RTCB: variants seen among roughly 807,000 people sequenced by gnomAD.
The protein encoded by RTCB is RNA-splicing ligase RTCB.
A neutral mutation model predicts 58.2 loss-of-function variants in RTCB; 32 were observed. That is an observed-to-expected ratio of 0.55 (90% CI 0.41 to 0.74). The LOEUF is 0.74. RTCB is among the 30% of genes least tolerant of loss of function. The probability of loss-of-function intolerance (pLI) is 0.00; values close to 1 mark genes in which losing one functional copy is unlikely to be tolerated. For missense variants in RTCB, 523 were observed against 639.0 expected (o/e 0.82, Z 1.96); for synonymous variants, 247 against 218.6 (o/e 1.13, Z -1.15).
intron 4 of RTCB, among the ~76,000 whole-genome samples, chr22:32,404,024 C>A (rs1933381185): frequency 6.6e-6 from 1 of 152,200 alleles, no homozygotes; most frequent in African/African-American, 2.4e-5. Context: ...CTTTTCCCTT[C>A]AATTTTAAAA....
intron 10 of RTCB, among the ~76,000 whole-genome samples, chr22:32,393,640 T>G (rs1219839218): frequency 6.6e-6 from 1 of 152,170 alleles, no homozygotes; most frequent in Non-Finnish European, 1.5e-5. Context: ...AATTTCCCAG[T>G]CTGGATTTTC....
chr22:32,403,368 G>A (rs966973336), intron 4 of RTCB, among the ~76,000 whole-genome samples: 3 of 151,652 alleles, frequency 2.0e-5, no homozygotes. Flanking sequence ...GATTGCACCA[G>A]TGCACTCCAG....
At chr22:32,405,272 A>G (rs370063148) in intron 4 of RTCB, among the ~76,000 whole-genome samples, 6 of 152,192 alleles carry the variant, frequency 3.9e-5, no homozygotes, top group African/African-American at 7.2e-5. Flanking sequence ...GTAAACATTG[A>G]TAAGAGTCTG....
intron 4 of RTCB, among the ~76,000 whole-genome samples, chr22:32,405,373 T>G (rs575280328): frequency 1.3e-5 from 2 of 152,202 alleles, no homozygotes; most frequent in Non-Finnish European, 2.9e-5. Context: ...CTTTGAAATT[T>G]GATGCCTGCT....
At position 32,395,086 on chromosome 22, in the gene RTCB, G is replaced by A. The variant is rs758674275; in HGVS notation, c.1119C>T (p.His373=). ...VDGKERTLLV[H]RKGSTRAFPP... ...GGAAAGCGCGGGTGGATCCCTTCCT[G>A]TGTACTAACAGTGTCCGTTCCTTTC... The change falls in exon 9 of 12, where the codon CAC becomes CAT. Residue 373 remains histidine, a synonymous_variant. Coordinates refer to ENST00000216038, the MANE Select transcript of RTCB (RefSeq NM_014306.5). 6.2e-7 allele frequency: 1 copy of A among 1,614,056 alleles called. No homozygotes were observed.
rs563410533 is a variant in RTCB, at chr22:32,400,417, T to A, written c.498-658A>T. 3.9e-5 allele frequency among the ~76,000 whole-genome samples: 6 copies of A among 152,350 alleles called. No individual in the cohort carries two copies. In the East Asian group the frequency reaches 9.6e-4, roughly 24 times the overall value. The stretch of plus-strand genomic sequence containing the variant: ...TGCCAGGAAAAACTACACTTTTCAA[T>A]GTTCTCTCCCCACTACCCCAGATGA... On this transcript the variant is annotated intron_variant, in intron 5 of 11. Coordinates refer to ENST00000216038, the MANE Select transcript of RTCB (RefSeq NM_014306.5).
intron 7 of RTCB, among the ~76,000 whole-genome samples, chr22:32,396,846 G>A (rs1933254251): frequency 6.6e-6 from 1 of 152,154 alleles, no homozygotes; most frequent in African/African-American, 2.4e-5. Flanking sequence ...GAAAGAATGA[G>A]GGTCGTGAAC....
intron 4 of RTCB, 150 bp downstream of exon 4, chr22:32,406,512 A>T (rs1394550670): frequency 2.1e-6 from 1 of 485,564 alleles, no homozygotes; most frequent in African/African-American, 2.0e-5. Flanking sequence ...TAATAGAGAC[A>T]CGGTTTCACC....
At chr22:32,408,274 AAC>A (rs1232760433) in intron 2 of RTCB, 32 bp from the exon 3 acceptor site, 1 of 1,559,492 alleles carries the variant, frequency 6.4e-7, no homozygotes, top group East Asian at 2.2e-5. Flanking sequence ...TAGAAAAGAC[AAC>A]ACACTTGATT....
intron 11 of RTCB, among the ~76,000 whole-genome samples, chr22:32,388,926 C>G (rs566238501): frequency 6.6e-6 from 1 of 152,300 alleles, no homozygotes; most frequent in South Asian, 2.1e-4. Flanking sequence ...TCTTGTTTTA[C>G]TGAAACACGG....
At chr22:32,410,635 G>A (rs1933503670) in intron 1 of RTCB, among the ~76,000 whole-genome samples, 1 of 152,122 alleles carries the variant, frequency 6.6e-6, no homozygotes, top group African/African-American at 2.4e-5. Flanking sequence ...GTGCATCAAA[G>A]GCTGAGTCAG....
In RTCB at chr22:32,412,144, A is replaced by G; in HGVS notation, c.13T>C (p.Tyr5His). The G allele has an allele frequency of 6.3e-7, 1 of 1,596,772 alleles. No individual in the cohort carries two copies. MSRS[Y>H]NDELQFLEKI... ...TCCAAGAACTGCAGCTCATCATTAT[A>G]GCTGCGACTCATGGTGGCGAAAACT... The change falls in exon 1 of 12, where the codon TAT (tyrosine) becomes CAT (histidine). Residue 5 changes from tyrosine to histidine, a missense_variant. Tyr to His is a moderately conservative substitution (Grantham distance 83, BLOSUM62 2). Coordinates refer to ENST00000216038, the MANE Select transcript of RTCB (RefSeq NM_014306.5).
At chr22:32,400,936 T>C (rs1414241163) in intron 5 of RTCB, among the ~76,000 whole-genome samples, 1 of 152,146 alleles carries the variant, frequency 6.6e-6, no homozygotes, top group African/African-American at 2.4e-5. Context: ...TAGCATTATA[T>C]TTAATCCTCT....
intron 9 of RTCB, among the ~76,000 whole-genome samples, chr22:32,394,744 A>G (rs1168500857): frequency 4.6e-5 from 7 of 152,250 alleles, no homozygotes; most frequent in African/African-American, 1.7e-4. Context: ...TGTCTTCTGT[A>G]ACTGAGTTAC....
chr22:32,408,106 G>A, intron 3 of RTCB, 69 bp downstream of exon 3: 1 of 1,355,594 alleles, frequency 7.4e-7, no homozygotes. Flanking sequence ...CCACTATCAG[G>A]CATGGCCATT....
chr22:32,395,476 C>T (rs1759024085), intron 8 of RTCB, among the ~76,000 whole-genome samples: 1 of 152,220 alleles, frequency 6.6e-6, no homozygotes, highest in African/African-American at 2.4e-5. Flanking sequence ...ATTGCTTCTT[C>T]TCAGCCTTCT....
intron 10 of RTCB, among the ~76,000 whole-genome samples, chr22:32,393,082 G>A (rs1455663650): frequency 6.6e-6 from 1 of 152,216 alleles, no homozygotes; most frequent in African/African-American, 2.4e-5. Context: ...GACTACAGGT[G>A]TGCCACCACA....
chr22:32,401,843 C>G lies in RTCB; in HGVS notation c.401G>C (p.Ser134Thr), dbSNP rs910559308. The part of the protein sequence containing the change: ...VRLLRTNLDE[S>T]DVQPVKEQLA... ...TTGCTCCTTCACAGGCTGGACATCA[C>G]TTTCATCTAAATTGGTTCTTAGCAA... is the stretch of plus-strand genomic sequence containing the variant. The change falls in exon 5 of 12, where the codon AGT (serine) becomes ACT (threonine). Residue 134 changes from serine (S) to threonine (T), a missense_variant. By Grantham distance (58) the Ser-to-Thr change is moderately conservative. This residue lies in a region of RTCB where 141 missense variants were observed against 216.7 expected (regional missense o/e 0.65). Coordinates refer to ENST00000216038, the MANE Select transcript of RTCB (RefSeq NM_014306.5). The G allele has an allele frequency of 1.9e-6, 3 of 1,614,014 alleles. No homozygotes were observed. In the African/African-American group the frequency reaches 4.0e-5, roughly 22 times the overall value.
chr22:32,405,108 A>G (rs1026749309), intron 4 of RTCB, among the ~76,000 whole-genome samples: 2 of 152,190 alleles, frequency 1.3e-5, no homozygotes, highest in Non-Finnish European at 2.9e-5. Flanking sequence ...ATTTTATAAT[A>G]CTAAGACATT....
Sources: gnomAD v4.1 joint callset for allele counts (sites outside exome capture counted in the v4.1 genomes callset) on GRCh38, gnomAD v4.1.1 for gene constraint, gnomAD v4.1.1 regional missense constraint, MANE v1.5 for transcripts, NCBI Gene and HGNC (gene_info 2026-07-23, HGNC 2026-07-21) for gene names.